Variants in TDRD5 observed in about 807,000 individuals in gnomAD.
TDRD5 encodes the protein tudor domain containing 5, also known as tudor domain-containing protein 5.
Under a neutral mutation model 120.6 loss-of-function variants are expected in TDRD5, and 41 were observed. The ratio of observed to expected loss-of-function variants is 0.34; its 90% confidence interval spans 0.26 to 0.44. The LOEUF is 0.44. TDRD5 is among the 20% of genes least tolerant of loss of function. The pLI, the probability that TDRD5 is intolerant of heterozygous loss-of-function variation, is 1.00. For synonymous variants in TDRD5, 430 were observed against 433.7 expected (o/e 0.99, Z 0.11); for missense variants, 1,006 against 1,221.2 (o/e 0.82, Z 2.63).
At position 179,663,454 on chromosome 1, in the gene TDRD5, C is replaced by G. The variant is rs748656873; in HGVS notation, c.2612C>G (p.Ala871Gly). The G allele has an allele frequency of 2.4e-5, 38 of 1,612,584 alleles. No individual in the cohort carries two copies. The highest frequency in any genetic ancestry group is 3.2e-5 in the Non-Finnish European group (38 of 1,179,624). The stretch of plus-strand genomic sequence containing the variant: ...GTTCATAAGCCAGAAGTACTGGGTG[C>G]TCAGGAAAAAAATACTGGCACAAAC... The part of the protein sequence containing the change: ...VEVHKPEVLG[A>G]QEKNTGTNRT... The change falls in exon 16 of 18, where the codon GCT becomes GGT. Residue 871 changes from alanine (A) to glycine (G), a missense_variant. Transcript: ENST00000444136.
chr1:179,652,030 T>C lies in TDRD5; in HGVS notation c.2002-9T>C, dbSNP rs748074186. 2 of 1,608,486 alleles carry C rather than the reference T, an allele frequency of 1.2e-6. No homozygotes were observed. The highest frequency in any genetic ancestry group is 1.7e-5 in the Admixed American group (1 of 58,136). ...AATTAAACCATCCCTTTTCTTTTTT[T>C]AATCTTAGGGTTTCAGTGAGCTCAA... On this transcript the variant is annotated splice_polypyrimidine_tract_variant and intron_variant, in intron 12 of 17. Transcript: ENST00000444136.
chr1:179,636,878 A>C (rs752876366), intron 9 of TDRD5, among the ~76,000 whole-genome samples: 1 of 152,220 alleles, frequency 6.6e-6, no homozygotes, highest in Non-Finnish European at 1.5e-5. Flanking sequence ...AAAAATGTCA[A>C]ATACCCAAGT....
At chr1:179,632,527 C>T (rs955842764) in intron 7 of TDRD5, among the ~76,000 whole-genome samples, 1 of 151,528 alleles carries the variant, frequency 6.6e-6, no homozygotes, top group Non-Finnish European at 1.5e-5. Flanking sequence ...ATTTTATCCA[C>T]CCCCCCAAAA....
At chr1:179,673,860 G>T (rs1280559919) in intron 17 of TDRD5, among the ~76,000 whole-genome samples, 1 of 152,176 alleles carries the variant, frequency 6.6e-6, no homozygotes, top group Non-Finnish European at 1.5e-5. Context: ...CTTGGTCACT[G>T]TTGATGTATA....
rs954032995 is a variant in TDRD5, at chr1:179,616,889, G to C, written c.832-1710G>C. The stretch of plus-strand genomic sequence containing the variant: ...CCTGAGAGGAATTACACCATCAAAG[G>C]TAATCTTTTTTTGTCCCTGAAACAC... On this transcript the variant is annotated intron_variant, in intron 4 of 17. Coordinates refer to ENST00000444136, the MANE Select transcript of TDRD5 (RefSeq NM_001199085.3). Among the ~76,000 whole-genome samples the C allele has an allele frequency of 3.9e-5, 6 of 152,160 alleles. 1 individual carries two copies. The highest frequency in any genetic ancestry group is 1.4e-4 in the African/African-American group (6 of 41,532).
At chr1:179,636,597 T>G (rs1295419351) in intron 9 of TDRD5, among the ~76,000 whole-genome samples, 1 of 152,266 alleles carries the variant, frequency 6.6e-6, no homozygotes, top group African/African-American at 2.4e-5. Context: ...CATACAACTT[T>G]ATAACATCAT....
chr1:179,689,460 C>T (rs113118749), intron 17 of TDRD5, among the ~76,000 whole-genome samples: 12,081 of 152,248 alleles, frequency 0.079, 608 homozygotes, highest in African/African-American at 0.12. Flanking sequence ...TCAATTGGCC[C>T]CTACTGGGAG....
At chr1:179,619,140 A>G (rs1676713148) in intron 5 of TDRD5, among the ~76,000 whole-genome samples, 1 of 152,162 alleles carries the variant, frequency 6.6e-6, no homozygotes, top group Non-Finnish European at 1.5e-5. Context: ...CTAGAAGTGG[A>G]ATTGCTAGTC....
chr1:179,653,720 C>A (rs1246465397), intron 13 of TDRD5, among the ~76,000 whole-genome samples: 1 of 152,098 alleles, frequency 6.6e-6, no homozygotes, highest in African/African-American at 2.4e-5. Context: ...ACTATTCCAC[C>A]CTAGTCTGTA....
chr1:179,680,545 T>A (rs907407046), intron 17 of TDRD5, among the ~76,000 whole-genome samples: 4 of 152,238 alleles, frequency 2.6e-5, no homozygotes, highest in African/African-American at 9.6e-5. Flanking sequence ...CTTCATAATA[T>A]TCTTTGCTTT....
intron 17 of TDRD5, among the ~76,000 whole-genome samples, chr1:179,673,764 C>G (rs577884371): frequency 6.6e-6 from 1 of 151,146 alleles, no homozygotes; most frequent in South Asian, 2.1e-4. Flanking sequence ...CAGGTTTGCC[C>G]TAAGCAGTTT....
intron 4 of TDRD5, among the ~76,000 whole-genome samples, chr1:179,609,941 A>G (rs903236704): frequency 6.6e-5 from 10 of 152,170 alleles, no homozygotes; most frequent in African/African-American, 2.4e-4. Flanking sequence ...TCATCTCAGA[A>G]TCTGTCTCCT....
At chr1:179,602,573 C>T (rs535069375) in intron 4 of TDRD5, among the ~76,000 whole-genome samples, 2 of 152,272 alleles carry the variant, frequency 1.3e-5, no homozygotes, top group South Asian at 2.1e-4. Context: ...AGATGAGGAT[C>T]CAGTTTCATT....
rs1679724947 is a variant in TDRD5 at position 179,669,183 on chromosome 1, C to A, written c.2650-11C>A. The A allele has an allele frequency of 6.2e-7, 1 of 1,603,286 alleles. No individual in the cohort carries two copies. The highest frequency in any genetic ancestry group is 8.5e-7 in the Non-Finnish European group (1 of 1,174,852). ...TTTTCATGTTTTTGCCCCATTTTTC[C>A]CATTCTGCAGCAACTAGACATAAAT... On this transcript the variant is annotated splice_polypyrimidine_tract_variant and intron_variant, in intron 16 of 17. Transcript: ENST00000444136.
chr1:179,636,691 AT>A lies in TDRD5; in HGVS notation c.1520+805del, dbSNP rs1677780816. On this transcript the variant is annotated intron_variant, in intron 9 of 17. Transcript: ENST00000444136. ...ACACATTTCATTATGCAGTATAAAAATATCACATTAATATCATCACTGATCT... is the reference window on the plus strand; with the variant it reads ...ACACATTTCATTATGCAGTATAAAAAATCACATTAATATCATCACTGATCT... 3.3e-5 allele frequency among the ~76,000 whole-genome samples: 5 copies of A among 152,362 alleles called. No individual in the cohort carries two copies. The East Asian group carries it at 7.7e-4, about 23-fold the overall frequency.
intron 7 of TDRD5, among the ~76,000 whole-genome samples, chr1:179,631,333 C>T (rs950009393): frequency 5.3e-5 from 8 of 152,126 alleles, no homozygotes; most frequent in Admixed American, 6.5e-5. Context: ...CGGAGCTTGC[C>T]GGGAGCCGAG....
At chr1:179,627,603 C>T (rs1677200149) in intron 6 of TDRD5, among the ~76,000 whole-genome samples, 1 of 152,042 alleles carries the variant, frequency 6.6e-6, no homozygotes, top group African/African-American at 2.4e-5. Context: ...TCGTACCAGA[C>T]CAGCAAGGAA....
Position 179,690,676 on chromosome 1 carries a change from G to A in TDRD5, c.2861-20G>A, listed in dbSNP as rs377114250. On this transcript the variant is annotated intron_variant, in intron 17 of 17. Coordinates refer to ENST00000444136, the MANE Select transcript of TDRD5 (RefSeq NM_001199085.3). ...ATGAGTACCCCTTGAAAAGATGTTT[G>A]TGTACTCTTTCTTTTCCAGTGGAAA... 6.2e-7 allele frequency: 1 copy of A among 1,609,038 alleles called. No homozygotes were observed. The highest frequency in any genetic ancestry group is 1.7e-5 in the Admixed American group (1 of 59,520).
chr1:179,620,576 T>C (rs540445700), intron 5 of TDRD5, among the ~76,000 whole-genome samples: 1 of 152,318 alleles, frequency 6.6e-6, no homozygotes, highest in East Asian at 1.9e-4. Flanking sequence ...CTTGTTTTAA[T>C]ATTAAATAGA....
Sources: gnomAD v4.1 joint callset for allele counts (sites outside exome capture counted in the v4.1 genomes callset) on GRCh38, gnomAD v4.1.1 for gene constraint, MANE v1.5 for transcripts, NCBI Gene and HGNC (gene_info 2026-07-23, HGNC 2026-07-21) for gene names.